TNIK: variants seen among roughly 807,000 people sequenced by gnomAD.
TNIK encodes TRAF2 and NCK interacting kinase.
Under a neutral mutation model 191.3 loss-of-function variants are expected in TNIK, and 49 were observed. The ratio of observed to expected loss-of-function variants is 0.26; its 90% CI spans 0.20 to 0.32. TNIK has a LOEUF of 0.32. Ranked by LOEUF, TNIK falls within the 10% of genes least tolerant of loss-of-function variation. TNIK has a pLI of 1.00. For synonymous variants in TNIK, 594 were observed against 600.9 expected, an observed-to-expected ratio of 0.99 and a Z score of 0.17; for missense variants, 1,155 against 1,702.3, an observed-to-expected ratio of 0.68 and a Z score of 5.66.
At chr3:171,088,294 G>A (rs979109340) in intron 23 of TNIK, among the ~76,000 whole-genome samples, 3 of 151,386 alleles carry the variant, frequency 2.0e-5, no homozygotes, top group African/African-American at 4.9e-5. Context: ...GAGTGCAGTG[G>A]CGCGATCTTG....
chr3:171,190,541 A>G (rs1737924267), intron 6 of TNIK, among the ~76,000 whole-genome samples, 156 bp downstream of exon 6: 1 of 152,194 alleles, frequency 6.6e-6, no homozygotes, highest in Non-Finnish European at 1.5e-5. Context: ...CCTTGAGAAA[A>G]TATTTTTTAA....
chr3:171,434,103 A>G (rs185882697), intron 1 of TNIK, among the ~76,000 whole-genome samples: 11 of 151,682 alleles, frequency 7.3e-5, no homozygotes, highest in African/African-American at 1.9e-4. Context: ...CCAGCTAATT[A>G]TTTTGTATTT....
chr3:171,066,358 A>G (rs746915568), intron 31 of TNIK, 32 bp from the exon 32 acceptor site: 2 of 1,612,966 alleles, frequency 1.2e-6, no homozygotes, highest in Non-Finnish European at 1.7e-6. Context: ...ACTGCATTAA[A>G]AACATTAGAT....
intron 15 of TNIK, among the ~76,000 whole-genome samples, chr3:171,131,109 C>G (rs142228880): frequency 5.9e-5 from 9 of 151,826 alleles, no homozygotes; most frequent in Non-Finnish European, 1.2e-4. Flanking sequence ...GAGGCCGAGG[C>G]GGGCGGATCA....
At chr3:171,084,070 A>G (rs1197445268) in intron 26 of TNIK, 85 bp downstream of exon 26, 15 of 1,418,776 alleles carry the variant, frequency 1.1e-5, no homozygotes, top group Non-Finnish European at 1.2e-5. Context: ...TTTTGATGAC[A>G]AGATCCACAG....
At chr3:171,187,432 G>T in intron 7 of TNIK, among the ~76,000 whole-genome samples, 1 of 152,156 alleles carries the variant, frequency 6.6e-6, no homozygotes, top group East Asian at 1.9e-4. Flanking sequence ...AGACCTTCAA[G>T]CTTGCAATTC....
chr3:171,281,161 G>A (rs995884108), intron 2 of TNIK, among the ~76,000 whole-genome samples: 7 of 150,786 alleles, frequency 4.6e-5, no homozygotes, highest in Non-Finnish European at 1.5e-5. Flanking sequence ...TTGGATAGAA[G>A]TTACTTTCTA....
At chr3:171,139,372 A>ACACG (rs1730461319) in intron 14 of TNIK, 98 bp downstream of exon 14, 2 of 730,518 alleles carry the variant, frequency 2.7e-6, no homozygotes, top group South Asian at 2.0e-5. Context: ...GGACACACGC[A>ACACG]CGCGCGCACA....
chr3:171,393,686 A>T (rs991488569), intron 1 of TNIK, among the ~76,000 whole-genome samples: 1 of 152,246 alleles, frequency 6.6e-6, no homozygotes, highest in Non-Finnish European at 1.5e-5. Context: ...TGTTAATACC[A>T]ACAGAAGGAC....
intron 2 of TNIK, among the ~76,000 whole-genome samples, chr3:171,321,061 T>G (rs151258664): frequency 2.2e-3 from 341 of 152,242 alleles, no homozygotes; most frequent in African/African-American, 7.9e-3. Context: ...CAATTAAAAG[T>G]AGGGGGAAAA....
Position 171,460,235 on chromosome 3 carries a change from C to G in TNIK, c.-172G>C. 2 of 813,138 alleles carry G rather than the reference C, an allele frequency of 2.5e-6. No individual in the cohort carries two copies. Among genetic ancestry groups the G allele is most frequent in the African/African-American group, 1.7e-5 (1 of 58,358 alleles). The allele number at this position is 813,138 out of a possible 1,614,324, so 50.4% of individuals were successfully genotyped here. On this transcript the variant is annotated 5_prime_UTR_variant, in exon 1 of 33. Transcript: ENST00000436636. The surrounding 1 kb of genome is among the most constrained non-coding windows in gnomAD (Gnocchi z 6.8). ...CAGCGCCGGATCCCGATCCTCCGCG[C>G]GTCGGTCCGCCGGGTCCGGGAGCCC...
At chr3:171,135,563 G>A (rs1307709628) in intron 15 of TNIK, among the ~76,000 whole-genome samples, 1 of 152,188 alleles carries the variant, frequency 6.6e-6, no homozygotes, top group Non-Finnish European at 1.5e-5. Flanking sequence ...TTGGAAGCTG[G>A]ATTATGTTAA....
intron 7 of TNIK, among the ~76,000 whole-genome samples, chr3:171,177,735 G>C (rs1003902216): frequency 2.6e-5 from 4 of 152,112 alleles, no homozygotes. Flanking sequence ...TGTACCTAAA[G>C]TACACCATTT....
chr3:171,398,782 T>C (rs74645146), intron 1 of TNIK, among the ~76,000 whole-genome samples: 3 of 152,336 alleles, frequency 2.0e-5, no homozygotes, highest in East Asian at 3.9e-4. Flanking sequence ...TGACGTGTCA[T>C]GTAACCATCG....
chr3:171,377,863 G>T (rs979578937), intron 1 of TNIK, among the ~76,000 whole-genome samples: 18 of 152,180 alleles, frequency 1.2e-4, no homozygotes, highest in Admixed American at 1.3e-4. Flanking sequence ...GTTTCCCAAG[G>T]TGATGACAAC....
At chr3:171,091,054 G>C (rs1291465063) in intron 23 of TNIK, among the ~76,000 whole-genome samples, 2 of 152,128 alleles carry the variant, frequency 1.3e-5, no homozygotes, top group African/African-American at 2.4e-5. Context: ...TGTACTTTTA[G>C]TAATTTTCAG....
chr3:171,167,354 T>G, intron 9 of TNIK, 84 bp from the exon 10 acceptor site: 1 of 1,523,904 alleles, frequency 6.6e-7, no homozygotes. Context: ...GCTGGGACTT[T>G]TTCTTTTTTT....
chr3:171,087,964 C>A (rs1721580609), intron 23 of TNIK, among the ~76,000 whole-genome samples: 2 of 152,214 alleles, frequency 1.3e-5, no homozygotes, highest in South Asian at 4.1e-4. Context: ...GTGTGGAGTA[C>A]TCCAAGAAAG....
At chr3:171,069,381 C>T (rs941267353) in intron 29 of TNIK, among the ~76,000 whole-genome samples, 2 of 152,298 alleles carry the variant, frequency 1.3e-5, no homozygotes, top group Admixed American at 1.3e-4. Flanking sequence ...CAACCAGGCC[C>T]ATCCACAGCA....
Sources: gnomAD v4.1 joint callset for allele counts (sites outside exome capture counted in the v4.1 genomes callset) on GRCh38, gnomAD v4.1.1 for gene constraint, Gnocchi (gnomAD v3.1) non-coding constraint, MANE v1.5 for transcripts, NCBI Gene and HGNC (gene_info 2026-07-23, HGNC 2026-07-21) for gene names.